The following CDK5RAP2 variants were observed in gnomAD, a reference collection of about 807,000 sequenced individuals.
CDK5RAP2 encodes CDK5 regulatory subunit-associated protein 2.
Under a neutral mutation model 232.9 loss-of-function variants are expected in CDK5RAP2, and 147 were observed. The ratio of observed to expected loss-of-function variants is 0.63; its 90% confidence interval spans 0.55 to 0.72. The LOEUF is 0.72. Ranked by LOEUF, CDK5RAP2 falls within the 30% of genes least tolerant of loss-of-function variation. The pLI, the probability that CDK5RAP2 is intolerant of heterozygous loss-of-function variation, is 0.00. For synonymous variants in CDK5RAP2, 833 were observed against 833.7 expected (o/e 1.00, Z 0.01); for missense variants, 2,195 against 2,231.5 (o/e 0.98, Z 0.33).
intron 13 of CDK5RAP2, among the ~76,000 whole-genome samples, chr9:120,490,525 A>T (rs555830590): frequency 2.6e-4 from 40 of 152,362 alleles, no homozygotes; most frequent in African/African-American, 8.7e-4. Flanking sequence ...TAGCCAATGC[A>T]TGCTATGCCT....
At chr9:120,567,015 A>T (rs1341955954) in intron 3 of CDK5RAP2, among the ~76,000 whole-genome samples, 1 of 152,268 alleles carries the variant, frequency 6.6e-6, no homozygotes, top group Admixed American at 6.5e-5. Context: ...TTAATATTAA[A>T]GTAACATATA....
At position 120,389,047 on chromosome 9, in the gene CDK5RAP2, G is replaced by A. The variant is rs2031663263; in HGVS notation, c.*189C>T. On this transcript the variant is annotated 3_prime_UTR_variant, in exon 38 of 38. Coordinates refer to ENST00000349780, the MANE Select transcript of CDK5RAP2 (RefSeq NM_018249.6). Reference sequence around the variant, plus strand: ...CTCGAGGCCTTTTTACCACCCGTTTGTGGAGCACCTGCACCTTTCTGACAA... The same window carrying A: ...CTCGAGGCCTTTTTACCACCCGTTTATGGAGCACCTGCACCTTTCTGACAA... 1 of 618,008 alleles carries A rather than the reference G, an allele frequency of 1.6e-6. No individual in the cohort carries two copies. The highest frequency in any genetic ancestry group is 2.9e-6 in the Non-Finnish European group (1 of 349,540). The allele number at this position is 618,008 out of a possible 1,614,324, so 38.3% of individuals were successfully genotyped here.
At chr9:120,538,951 T>C in intron 6 of CDK5RAP2, 90 bp downstream of exon 6, 1 of 1,385,656 alleles carries the variant, frequency 7.2e-7, no homozygotes, top group South Asian at 1.2e-5. Context: ...CTGCTGAAAC[T>C]GACGGTTTAT....
intron 14 of CDK5RAP2, among the ~76,000 whole-genome samples, chr9:120,478,053 T>C (rs1434238133): frequency 6.6e-6 from 1 of 152,240 alleles, no homozygotes; most frequent in Non-Finnish European, 1.5e-5. Flanking sequence ...TGTCATTTTA[T>C]GAATTCACAT....
intron 13 of CDK5RAP2, 64 bp from the exon 14 acceptor site, chr9:120,487,501 C>T: frequency 8.0e-7 from 1 of 1,257,690 alleles, no homozygotes; most frequent in Non-Finnish European, 1.1e-6. Context: ...AGAAACTGTC[C>T]CAAACTCCTT....
At chr9:120,489,616 T>C (rs962618981) in intron 13 of CDK5RAP2, among the ~76,000 whole-genome samples, 2 of 152,208 alleles carry the variant, frequency 1.3e-5, no homozygotes, top group East Asian at 3.8e-4. Context: ...TTTAAACTTT[T>C]TTATATTTGC....
chr9:120,535,773 C>T (rs1481502912), intron 7 of CDK5RAP2, among the ~76,000 whole-genome samples: 1 of 152,204 alleles, frequency 6.6e-6, no homozygotes, highest in East Asian at 1.9e-4. Flanking sequence ...AACTAGAAGG[C>T]ACCCATTTTA....
intron 5 of CDK5RAP2, among the ~76,000 whole-genome samples, chr9:120,543,478 T>C (rs2041721798): frequency 6.6e-6 from 1 of 152,138 alleles, no homozygotes; most frequent in African/African-American, 2.4e-5. Flanking sequence ...ATTCAACTGG[T>C]TAATTCCTAC....
At position 120,460,666 on chromosome 9, in the gene CDK5RAP2, A is replaced by C. The variant is rs2037033459; in HGVS notation, c.2108T>G (p.Leu703Arg). 1 of 1,613,972 alleles carries C rather than the reference A, an allele frequency of 6.2e-7. No homozygotes were observed. Among genetic ancestry groups the C allele is most frequent in the South Asian group, 1.1e-5 (1 of 91,076 alleles). Residue 703 changes from leucine to arginine, a missense_variant and splice_region_variant, in exon 19 of 38, where the codon CTT becomes CGT. By Grantham distance (102) the Leu-to-Arg change is moderately radical. Transcript: ENST00000349780. ...DRLASTEQTELLASKEDEDTI... is the reference protein window; with the variant it reads ...DRLASTEQTERLASKEDEDTI... ...GTCCTCGTCCTCCTTGCTAGCCAGAAGCTACATGGAGCATGGAATGGTGTG... is the reference window on the plus strand; with the variant it reads ...GTCCTCGTCCTCCTTGCTAGCCAGACGCTACATGGAGCATGGAATGGTGTG...
rs199736016 is a variant in CDK5RAP2 at position 120,389,269 on chromosome 9, T to C, written c.5649A>G (p.Pro1883=). The change falls in exon 38 of 38, where the codon CCA becomes CCG. Residue 1883 remains proline, a synonymous_variant. Transcript: ENST00000349780. ...NLELRPGGAH[P]GTCSPSRPGS is the part of the protein sequence containing the mutation. ...CTGGTCTGCTGGGACTGCATGTTCC[T>C]GGATGGGCTCCCCCAGGCCTAAGCT... 4.2e-4 allele frequency: 677 copies of C among 1,612,980 alleles called. 2 individuals carry two copies. The highest frequency in any genetic ancestry group is 5.2e-4 in the Non-Finnish European group (609 of 1,179,472).
At chr9:120,579,439 C>G (rs1007840888) in intron 1 of CDK5RAP2, among the ~76,000 whole-genome samples, 1 of 152,134 alleles carries the variant, frequency 6.6e-6, no homozygotes, top group African/African-American at 2.4e-5. Flanking sequence ...CAGTTTTGTC[C>G]AACTCTAGCC....
chr9:120,555,116 T>C (rs1006544092), intron 3 of CDK5RAP2, among the ~76,000 whole-genome samples: 2 of 124,458 alleles, frequency 1.6e-5, no homozygotes, highest in African/African-American at 3.1e-5. Flanking sequence ...ACACACCTAT[T>C]AGAATGGCTA....
intron 4 of CDK5RAP2, among the ~76,000 whole-genome samples, chr9:120,548,467 A>C (rs2041931455): frequency 6.6e-6 from 1 of 152,242 alleles, no homozygotes; most frequent in African/African-American, 2.4e-5. Context: ...TTCCAAACCA[A>C]AAGTCAGGGC....
intron 22 of CDK5RAP2, among the ~76,000 whole-genome samples, chr9:120,445,435 T>C (rs1312458267): frequency 5.9e-5 from 9 of 152,184 alleles, no homozygotes; most frequent in Admixed American, 5.9e-4. Flanking sequence ...TGCTTTACGG[T>C]ATAATTCCTC....
intron 12 of CDK5RAP2, among the ~76,000 whole-genome samples, chr9:120,502,060 A>T (rs568804802): frequency 6.6e-6 from 1 of 152,288 alleles, no homozygotes; most frequent in Non-Finnish European, 1.5e-5. Flanking sequence ...TCTCATTCCA[A>T]ATCTTCTCAG....
intron 5 of CDK5RAP2, 140 bp from the exon 6 acceptor site, chr9:120,539,304 T>C: frequency 9.6e-7 from 1 of 1,043,700 alleles, no homozygotes; most frequent in Non-Finnish European, 1.4e-6. Context: ...AGCTTAATAT[T>C]TATCATTTAA....
chr9:120,396,917 C>A (rs1286625530), intron 35 of CDK5RAP2, among the ~76,000 whole-genome samples: 1 of 152,228 alleles, frequency 6.6e-6, no homozygotes. Context: ...CTATATGACG[C>A]TGAAGCAAGT....
At chr9:120,559,227 G>A (rs1029726496) in intron 3 of CDK5RAP2, among the ~76,000 whole-genome samples, 2 of 152,034 alleles carry the variant, frequency 1.3e-5, no homozygotes, top group Admixed American at 6.6e-5. Flanking sequence ...GGTGGCTCAC[G>A]CCTGTAATCC....
rs1181846151 is a variant in CDK5RAP2 at position 120,437,459 on chromosome 9, T to C, written c.3791A>G (p.His1264Arg). The C allele has an allele frequency of 6.2e-7, 1 of 1,614,164 alleles. No individual in the cohort carries two copies. The highest frequency in any genetic ancestry group is 8.5e-7 in the Non-Finnish European group (1 of 1,180,010). ...TTGACGGGAGATGACACAGATGCCA[T>C]GGCCATCCTTAATCTGCTGCCGTTG... Reference protein sequence around the residue: ...SLQRQQIKDGHGICVISRQHM... With the variant: ...SLQRQQIKDGRGICVISRQHM... The change falls in exon 25 of 38, where the codon CAT becomes CGT. Residue 1264 changes from histidine to arginine, a missense_variant. Coordinates refer to ENST00000349780, the MANE Select transcript of CDK5RAP2 (RefSeq NM_018249.6).
Sources: gnomAD v4.1 joint callset for allele counts (sites outside exome capture counted in the v4.1 genomes callset) on GRCh38, gnomAD v4.1.1 for gene constraint, MANE v1.5 for transcripts, NCBI Gene and HGNC (gene_info 2026-07-23, HGNC 2026-07-21) for gene names.